ID4: variants seen among roughly 807,000 people sequenced by gnomAD.
ID4 encodes the protein DNA-binding protein inhibitor ID-4.
A neutral mutation model predicts 8.6 loss-of-function variants in ID4; 9 were observed. The observed-to-expected ratio is 1.04, with a 90% confidence interval of 0.63 to 1.82. The LOEUF is 1.82. ID4 is among the 40% of genes most tolerant of loss of function. The pLI is 0.00. For synonymous variants in ID4, 180 were observed against 118.0 expected (o/e 1.53, Z -3.41); for missense variants, 270 against 235.1 (o/e 1.15, Z -0.97).
intron 2 of ID4, 90 bp downstream of exon 2, chr6:19,838,732 C>G: frequency 3.4e-6 from 4 of 1,162,016 alleles, no homozygotes; most frequent in Non-Finnish European, 5.0e-6. Flanking sequence ...GTGTTCTTTG[C>G]CCCCAGCGTT....
Position 19,837,648 on chromosome 6 carries a change from G to A in ID4, c.-107G>A, listed in dbSNP as rs530984916. On this transcript the variant is annotated 5_prime_UTR_variant, in exon 1 of 3. Coordinates refer to ENST00000378700, the MANE Select transcript of ID4 (RefSeq NM_001546.4). ...TGTCGCGGTGCCCCGAGCGCGCCGG[G>A]CGCGGAGGCAAAGGGAGCGGAGCCG... 5.3e-4 allele frequency: 403 copies of A among 755,262 alleles called. 1 individual carries two copies. The African/African-American group carries it at 5.9e-3, about 11-fold the overall frequency. The allele number at this position is 755,262 out of a possible 1,614,324, so 46.8% of individuals were successfully genotyped here.
rs913809207 is a variant in ID4, at chr6:19,837,488, C to T, written c.-267C>T. On this transcript the variant is annotated 5_prime_UTR_variant, in exon 1 of 3. Transcript: ENST00000378700. ...GGAGCTCCGAAGGGAGTGACTAGGA[C>T]ACCCGGGTGGGCTACTTTTCTTCCG... is the stretch of plus-strand genomic sequence containing the variant. 1.8e-5 allele frequency: 3 copies of T among 168,128 alleles called. No individual in the cohort carries two copies. Among genetic ancestry groups the T allele is most frequent in the East Asian group, 1.6e-4 (1 of 6,120 alleles). 10.4% of individuals were successfully genotyped at this position (168,128 alleles called of 1,614,324 possible).
In ID4 at chr6:19,839,328, C is replaced by A. The variant is rs893738474; in HGVS notation, c.*133C>A. 1 of 152,690 alleles carries A rather than the reference C, an allele frequency of 6.5e-6. No individual in the cohort carries two copies. Among genetic ancestry groups the A allele is most frequent in the Admixed American group, 6.5e-5 (1 of 15,286 alleles). The allele number at this position is 152,690 out of a possible 1,614,324, so 9.5% of individuals were successfully genotyped here. On this transcript the variant is annotated 3_prime_UTR_variant, in exon 3 of 3. Transcript: ENST00000378700. Reference sequence around the variant, plus strand: ...ACATCGGCCAACCTAGAAACGTTTTCATTCGTCATTCCAAGAGAGAGAGAG... The same window carrying A: ...ACATCGGCCAACCTAGAAACGTTTTAATTCGTCATTCCAAGAGAGAGAGAG...
rs998759873 is a variant in ID4, at chr6:19,838,906, C to G, written c.*14+264C>G. 1.9e-5 allele frequency: 10 copies of G among 532,670 alleles called. 1 individual carries two copies. Among genetic ancestry groups the G allele is most frequent in the African/African-American group, 3.9e-5 (2 of 51,038 alleles). 33.0% of individuals were successfully genotyped at this position (532,670 alleles called of 1,614,324 possible). ...TTTTTCTGGTGGTCAGCGGGCTCTT[C>G]TGCCTTCCCTAGTTCCCGAGGGAGG... On this transcript the variant is annotated intron_variant, in intron 2 of 2. Coordinates refer to ENST00000378700, the MANE Select transcript of ID4 (RefSeq NM_001546.4).
In ID4 at chr6:19,837,868, C is replaced by G. The variant is rs1173583791; in HGVS notation, c.114C>G (p.Ser38=). Residue 38 remains serine (S), a synonymous_variant, in exon 1 of 3, where the codon TCC becomes TCG. Transcript: ENST00000378700. ...LAEHGHSLGG[S]AAAAAAAAAA... ...AGCACGGCCACAGCCTGGGTGGCTC[C>G]GCAGCCGCGGCGGCGGCGGCGGCGG... 1.6e-6 allele frequency: 2 copies of G among 1,270,148 alleles called. No homozygotes were observed. The highest frequency in any genetic ancestry group is 2.0e-6 in the Non-Finnish European group (2 of 1,008,382). 78.7% of individuals were successfully genotyped at this position (1,270,148 alleles called of 1,614,324 possible).
In ID4 at chr6:19,838,121, C is replaced by T. The variant is rs775160709; in HGVS notation, c.367C>T (p.Pro123Ser). ...GCTGAGGCAGCCACCACCGCCCGCG[C>T]CGCCACACCACCCGGCCGGGACCTG... Reference protein sequence around the residue: ...ALLRQPPPPAPPHHPAGTCPA... With the variant: ...ALLRQPPPPASPHHPAGTCPA... Residue 123 changes from proline (P) to serine (S), a missense_variant, in exon 1 of 3, where the codon CCG (proline) becomes TCG (serine). Coordinates refer to ENST00000378700, the MANE Select transcript of ID4 (RefSeq NM_001546.4). The T allele has an allele frequency of 2.4e-5, 38 of 1,584,954 alleles. No homozygotes were observed. The highest frequency in any genetic ancestry group is 1.4e-5 in the African/African-American group (1 of 73,538).
chr6:19,837,927 A>G lies in ID4; in HGVS notation c.173A>G (p.Asp58Gly). 1.4e-6 allele frequency: 2 copies of G among 1,438,186 alleles called. No homozygotes were observed. The highest frequency in any genetic ancestry group is 1.5e-5 in the South Asian group (1 of 67,910). 89.1% of individuals were successfully genotyped at this position (1,438,186 alleles called of 1,614,324 possible). ...ARCKAAEAAA[D>G]EPALCLQCDM... is the part of the protein sequence containing the mutation. ...TGTAAGGCGGCCGAGGCGGCGGCCG[A>G]CGAGCCGGCGCTGTGCCTGCAGTGC... The change falls in exon 1 of 3, where the codon GAC becomes GGC. Residue 58 changes from aspartate (D) to glycine (G), a missense_variant. This residue lies in a region of ID4 where 160 missense variants were observed against 131.5 expected (regional missense o/e 1.22). Transcript: ENST00000378700.
chr6:19,838,463 G>A, intron 1 of ID4, 121 bp from the exon 2 acceptor site: 2 of 1,367,818 alleles, frequency 1.5e-6, no homozygotes, highest in South Asian at 1.2e-5. Flanking sequence ...GGCCCCCCCG[G>A]CTACAGGCTG....
chr6:19,840,389 G>C lies in ID4; in HGVS notation c.*1194G>C, dbSNP rs1761335216. On this transcript the variant is annotated 3_prime_UTR_variant, in exon 3 of 3. Coordinates refer to ENST00000378700, the MANE Select transcript of ID4 (RefSeq NM_001546.4). ...CATGGAAATGAAAAAAATGTTCTCTGCTTGCTACCAAAGGACAAACTCTTG... is the reference window on the plus strand; with the variant it reads ...CATGGAAATGAAAAAAATGTTCTCTCCTTGCTACCAAAGGACAAACTCTTG... 6.6e-6 allele frequency: 1 copy of C among 152,378 alleles called. No individual in the cohort carries two copies. Among genetic ancestry groups the C allele is most frequent in the Admixed American group, 6.6e-5 (1 of 15,266 alleles). The allele number at this position is 152,378 out of a possible 1,614,324, so 9.4% of individuals were successfully genotyped here.
rs1761355519 is a variant in ID4 at position 19,841,282 on chromosome 6, C to T, written c.*2087C>T. ...TATTTTTGATATTATTCATTCTTGT[C>T]ACACATCAAGAAGAAAACACTAGAG... On this transcript the variant is annotated 3_prime_UTR_variant, in exon 3 of 3. Coordinates refer to ENST00000378700, the MANE Select transcript of ID4 (RefSeq NM_001546.4). Among the ~76,000 whole-genome samples, 1 of 152,118 alleles carries T rather than the reference C, an allele frequency of 6.6e-6. No homozygotes were observed. The highest frequency in any genetic ancestry group is 2.1e-4 in the South Asian group (1 of 4,832).
In ID4 at chr6:19,837,778, C is replaced by T. The variant is rs1761251558; in HGVS notation, c.24C>T (p.Arg8=). Reference sequence around the variant, plus strand: ...CGATGAAGGCGGTGAGCCCGGTGCGCCCCTCGGGCCGCAAGGCGCCGTCGG... The same window carrying T: ...CGATGAAGGCGGTGAGCCCGGTGCGTCCCTCGGGCCGCAAGGCGCCGTCGG... MKAVSPV[R]PSGRKAPSGC... The change falls in exon 1 of 3, where the codon CGC becomes CGT. Residue 8 remains arginine, a synonymous_variant. Coordinates refer to ENST00000378700, the MANE Select transcript of ID4 (RefSeq NM_001546.4). 6 of 1,127,214 alleles carry T rather than the reference C, an allele frequency of 5.3e-6. No individual in the cohort carries two copies. The highest frequency in any genetic ancestry group is 9.3e-5 in the East Asian group (2 of 21,586). 69.8% of individuals were successfully genotyped at this position (1,127,214 alleles called of 1,614,324 possible).
chr6:19,838,347 G>A (rs183266622), intron 1 of ID4, 152 bp downstream of exon 1: 5 of 1,001,584 alleles, frequency 5.0e-6, no homozygotes, highest in African/African-American at 1.7e-5. Context: ...CCCCCGGGCC[G>A]CCAGCAGCCG....
Position 19,839,792 on chromosome 6 carries a change from T to C in ID4, c.*597T>C, listed in dbSNP as rs1388939354. The C allele has an allele frequency of 6.6e-6, 1 of 152,332 alleles. No homozygotes were observed. The highest frequency in any genetic ancestry group is 1.9e-4 in the East Asian group (1 of 5,204). 9.4% of individuals were successfully genotyped at this position (152,332 alleles called of 1,614,324 possible). A position where few individuals can be genotyped will look rare whatever the true frequency, so the allele number is the denominator to read the frequency against. On this transcript the variant is annotated 3_prime_UTR_variant, in exon 3 of 3. Coordinates refer to ENST00000378700, the MANE Select transcript of ID4 (RefSeq NM_001546.4). ...TATGCTTTAATAGATACTGTAATTA[T>C]AAGATATTTTTAATTAAATATTTTT... is the stretch of plus-strand genomic sequence containing the variant.
chr6:19,837,936 C>A lies in ID4; in HGVS notation c.182C>A (p.Ala61Glu). 1 of 1,489,322 alleles carries A rather than the reference C, an allele frequency of 6.7e-7. No homozygotes were observed. Among genetic ancestry groups the A allele is most frequent in the Non-Finnish European group, 9.0e-7 (1 of 1,116,200 alleles). 92.3% of individuals were successfully genotyped at this position (1,489,322 alleles called of 1,614,324 possible). A position where few individuals can be genotyped will look rare whatever the true frequency, so the allele number is the denominator to read the frequency against. The change falls in exon 1 of 3, where the codon GCG becomes GAG. Residue 61 changes from alanine (A) to glutamate (E), a missense_variant. Physicochemically the swap from Ala to Glu is moderately radical, Grantham distance 107 (BLOSUM62 -1). Around this residue, in one of 3 missense-constraint regions of ID4, gnomAD observed 160 missense variants for 131.5 expected, o/e 1.22. Coordinates refer to ENST00000378700, the MANE Select transcript of ID4 (RefSeq NM_001546.4). Reference protein sequence around the residue: ...KAAEAAADEPALCLQCDMNDC... With the variant: ...KAAEAAADEPELCLQCDMNDC... ...GCCGAGGCGGCGGCCGACGAGCCGG[C>A]GCTGTGCCTGCAGTGCGATATGAAC...
chr6:19,838,235 G>A, intron 1 of ID4, 40 bp downstream of exon 1: 12 of 1,321,414 alleles, frequency 9.1e-6, no homozygotes, highest in Non-Finnish European at 1.2e-5. Context: ...ACGCCGCGGG[G>A]GATGGGAGGT....
Position 19,839,577 on chromosome 6 carries a change from TG to T in ID4, c.*383del, listed in dbSNP as rs1761313080. The T allele has an allele frequency of 6.6e-6, 1 of 152,558 alleles. No individual in the cohort carries two copies. Among genetic ancestry groups the T allele is most frequent in the Non-Finnish European group, 1.5e-5 (1 of 68,024 alleles). 9.5% of individuals were successfully genotyped at this position (152,558 alleles called of 1,614,324 possible). ...CTTTGTGACCAAGGAGCTCAATTTTTGTTTTGAAGCTTTACTAATCTACCAG... is the reference window on the plus strand; with the variant it reads ...CTTTGTGACCAAGGAGCTCAATTTTTTTTTGAAGCTTTACTAATCTACCAG... On this transcript the variant is annotated 3_prime_UTR_variant, in exon 3 of 3. Transcript: ENST00000378700.
Position 19,837,820 on chromosome 6 carries a change from G to A in ID4, c.66G>A (p.Glu22=), listed in dbSNP as rs919452348. Residue 22 remains glutamate, a synonymous_variant, in exon 1 of 3, where the codon GAG becomes GAA. Coordinates refer to ENST00000378700, the MANE Select transcript of ID4 (RefSeq NM_001546.4). ...CGCCGTCGGGCTGCGGCGGCGGGGA[G>A]CTGGCGCTGCGCTGCCTGGCCGAGC... is the stretch of plus-strand genomic sequence containing the variant. ...RKAPSGCGGG[E]LALRCLAEHG... 11 of 1,143,186 alleles carry A rather than the reference G, an allele frequency of 9.6e-6. No individual in the cohort carries two copies. In the Admixed American group the frequency reaches 3.4e-4, roughly 35 times the overall value. The allele number at this position is 1,143,186 out of a possible 1,614,324, so 70.8% of individuals were successfully genotyped here.
chr6:19,841,822 T>G lies in ID4; in HGVS notation c.*2627T>G, dbSNP rs1223121756. Among the ~76,000 whole-genome samples, 6 of 152,194 alleles carry G rather than the reference T, an allele frequency of 3.9e-5. No individual in the cohort carries two copies. The highest frequency in any genetic ancestry group is 6.5e-5 in the Admixed American group (1 of 15,288). On this transcript the variant is annotated 3_prime_UTR_variant, in exon 3 of 3. Transcript: ENST00000378700. The stretch of plus-strand genomic sequence containing the variant: ...CATTTTGAGTCTTTTATCTAGGTAG[T>G]TCTAATTATTCAGCTACTTAGTTTA...
rs148655208 is a variant in ID4 at position 19,840,865 on chromosome 6, GAATT to G, written c.*1673_*1676del. Among the ~76,000 whole-genome samples the G allele has an allele frequency of 2.2e-4, 34 of 152,276 alleles. No homozygotes were observed. In the East Asian group the frequency reaches 4.1e-3, roughly 18 times the overall value. On this transcript the variant is annotated 3_prime_UTR_variant, in exon 3 of 3. Coordinates refer to ENST00000378700, the MANE Select transcript of ID4 (RefSeq NM_001546.4). Reference sequence around the variant, plus strand: ...GTTAGATGGAATTTTTAGAGTGAAAGAATTAAGTAGGATTTAATTGGGTGCTTTG... The same window carrying G: ...GTTAGATGGAATTTTTAGAGTGAAAGAAGTAGGATTTAATTGGGTGCTTTG...
Sources: allele counts gnomAD v4.1 joint callset (sites outside exome capture counted in the v4.1 genomes callset), GRCh38; gene constraint gnomAD v4.1.1; regional missense constraint gnomAD v4.1.1; transcripts MANE v1.5; gene names NCBI Gene and HGNC (gene_info 2026-07-23, HGNC 2026-07-21).